Variants in ZNF407 observed in about 807,000 individuals in gnomAD.
ZNF407 encodes the protein zinc finger protein 407.
ZNF407 carries 17 observed loss-of-function variants against 131.2 expected under a neutral mutation model. The observed-to-expected ratio is 0.13, with a 90% confidence interval of 0.09 to 0.19. The LOEUF (loss-of-function observed/expected upper bound fraction) is 0.19, where lower values mean the gene tolerates loss of function less well. ZNF407 is among the 10% of genes least tolerant of loss of function. ZNF407 has a pLI of 1.00. For synonymous variants in ZNF407, 1,156 were observed against 1,062.0 expected, an observed-to-expected ratio of 1.09 and a Z score of -1.72; for missense variants, 2,681 against 2,830.6, an observed-to-expected ratio of 0.95 and a Z score of 1.20.
At chr18:74,855,420 T>C (rs1970845976) in intron 4 of ZNF407, among the ~76,000 whole-genome samples, 1 of 152,224 alleles carries the variant, frequency 6.6e-6, no homozygotes, top group South Asian at 2.1e-4. Context: ...TAGCATAATT[T>C]AACAGTAATA....
At chr18:74,598,108 C>T (rs1000390646) in intron 1 of ZNF407, 171 bp downstream of exon 1, 1 of 151,722 alleles carries the variant, frequency 6.6e-6, no homozygotes. Context: ...TCCGCCCCTC[C>T]CTGTCGCCTT....
chr18:74,939,512 G>A (rs1281445826), intron 8 of ZNF407, among the ~76,000 whole-genome samples: 10 of 152,036 alleles, frequency 6.6e-5, no homozygotes, highest in African/African-American at 1.7e-4. Flanking sequence ...TTTAAAAGAC[G>A]GATCTGAATA....
chr18:74,901,918 T>G (rs1354032512), intron 7 of ZNF407, among the ~76,000 whole-genome samples: 1 of 30,106 alleles, frequency 3.3e-5, no homozygotes, highest in Non-Finnish European at 1.8e-4. Context: ...TTTTAAGGTT[T>G]TTTTTTTTTT....
chr18:74,947,785 G>A (rs1599258686), intron 8 of ZNF407, among the ~76,000 whole-genome samples: 1 of 152,332 alleles, frequency 6.6e-6, no homozygotes, highest in Non-Finnish European at 1.5e-5. Flanking sequence ...TGAAAGTGAA[G>A]CGCTAAGCCT....
intron 3 of ZNF407, among the ~76,000 whole-genome samples, chr18:74,776,257 C>G (rs761196811): frequency 1.3e-4 from 20 of 152,192 alleles, no homozygotes; most frequent in Non-Finnish European, 2.2e-4. Flanking sequence ...CACACTGAAT[C>G]TCCTGGCACG....
intron 3 of ZNF407, among the ~76,000 whole-genome samples, chr18:74,714,918 C>T (rs570385129): frequency 2.6e-5 from 4 of 152,234 alleles, no homozygotes; most frequent in East Asian, 1.9e-4. Context: ...CCTCTGCTCA[C>T]GGTGGAACTG....
chr18:74,829,291 A>C (rs1039643012), intron 4 of ZNF407, among the ~76,000 whole-genome samples: 4 of 152,212 alleles, frequency 2.6e-5, no homozygotes, highest in African/African-American at 9.6e-5. Flanking sequence ...AGTAATGTAG[A>C]ATCATTTGTA....
intron 3 of ZNF407, among the ~76,000 whole-genome samples, chr18:74,644,867 A>G (rs981835247): frequency 6.6e-6 from 1 of 151,518 alleles, no homozygotes; most frequent in Non-Finnish European, 1.5e-5. Flanking sequence ...TTTAGTTTGT[A>G]CTTTTTTTTT....
chr18:74,745,224 TC>T lies in ZNF407; in HGVS notation c.4803-36202del, dbSNP rs140977541. ...ACACCTAGGATATGAATTAAAAAGTTCCTAGGATTGTATGGATATTTATGTA... is the reference window on the plus strand; with the variant it reads ...ACACCTAGGATATGAATTAAAAAGTTCTAGGATTGTATGGATATTTATGTA... On this transcript the variant is annotated intron_variant, in intron 3 of 8. Coordinates refer to ENST00000299687, the MANE Select transcript of ZNF407 (RefSeq NM_017757.3). Among the ~76,000 whole-genome samples the T allele has an allele frequency of 8.5e-3, 1,296 of 152,274 alleles. 23 individuals carry two copies. The highest frequency in any genetic ancestry group is 0.028 in the African/African-American group (1,183 of 41,550).
intron 3 of ZNF407, among the ~76,000 whole-genome samples, chr18:74,717,783 A>G (rs1165652811): frequency 6.6e-6 from 1 of 152,234 alleles, no homozygotes; most frequent in African/African-American, 2.4e-5. Flanking sequence ...CTGGCATTAT[A>G]TAATATACTT....
intron 4 of ZNF407, among the ~76,000 whole-genome samples, chr18:74,843,639 T>C (rs1970663599): frequency 6.6e-6 from 1 of 152,218 alleles, no homozygotes. Flanking sequence ...CTTATACTCA[T>C]ACTGGAGGGA....
At chr18:74,749,639 CT>C (rs1968753241) in intron 3 of ZNF407, among the ~76,000 whole-genome samples, 1 of 152,096 alleles carries the variant, frequency 6.6e-6, no homozygotes, top group South Asian at 2.1e-4. Context: ...TTTGAGATGC[CT>C]TACCACAAAT....
intron 3 of ZNF407, among the ~76,000 whole-genome samples, chr18:74,662,193 A>G (rs2144732991): frequency 6.6e-6 from 1 of 152,240 alleles, no homozygotes; most frequent in South Asian, 2.1e-4. Flanking sequence ...CTTCTCACAT[A>G]CGATTTTGTT....
chr18:74,626,463 G>A (rs1418606729), intron 1 of ZNF407, among the ~76,000 whole-genome samples: 3 of 152,146 alleles, frequency 2.0e-5, no homozygotes, highest in Non-Finnish European at 2.9e-5. Context: ...ACATGATCAC[G>A]TATGGCCTTG....
intron 3 of ZNF407, among the ~76,000 whole-genome samples, chr18:74,710,948 A>G (rs1017541862): frequency 6.6e-6 from 1 of 152,162 alleles, no homozygotes; most frequent in Non-Finnish European, 1.5e-5. Flanking sequence ...ATGAGACAAC[A>G]GTTTAAAATG....
chr18:75,012,285 A>ACG (rs1568300406), intron 8 of ZNF407, among the ~76,000 whole-genome samples: 41 of 116,558 alleles, frequency 3.5e-4, no homozygotes, highest in Non-Finnish European at 4.6e-4. Flanking sequence ...CACATAGTGT[A>ACG]TGTACACATA....
chr18:74,847,865 A>AG (rs1258405271), intron 4 of ZNF407, among the ~76,000 whole-genome samples: 1 of 151,804 alleles, frequency 6.6e-6, no homozygotes, highest in Non-Finnish European at 1.5e-5. Context: ...AAAAAAAAAA[A>AG]CACGCTACCC....
chr18:74,607,480 G>A (rs4891568), intron 1 of ZNF407, among the ~76,000 whole-genome samples: 126,985 of 148,444 alleles, frequency 0.86, 53,849 homozygotes, highest in East Asian at 0.99. Flanking sequence ...TTAGATGGGG[G>A]AAAAAAAAAA....
chr18:74,756,830 G>T (rs1968976068), intron 3 of ZNF407, among the ~76,000 whole-genome samples: 1 of 151,968 alleles, frequency 6.6e-6, no homozygotes, highest in African/African-American at 2.4e-5. Context: ...TGCTTCACTT[G>T]TTTTCTTCTT....
Sources: allele counts gnomAD v4.1 joint callset (sites outside exome capture counted in the v4.1 genomes callset), GRCh38; gene constraint gnomAD v4.1.1; transcripts MANE v1.5; gene names NCBI Gene and HGNC (gene_info 2026-07-23, HGNC 2026-07-21).